Variants in SUPT3H observed in about 807,000 individuals in gnomAD.
SUPT3H encodes transcription initiation protein SPT3 homolog.
SUPT3H carries 44 observed loss-of-function variants against 44.3 expected under a neutral mutation model. The ratio of observed to expected loss-of-function variants is 0.99; its 90% CI spans 0.78 to 1.28. The LOEUF is 1.28. SUPT3H is among the 50% of genes most tolerant of loss of function. The probability of loss-of-function intolerance (pLI) is 0.00; values close to 1 mark genes in which losing one functional copy is unlikely to be tolerated. For synonymous variants in SUPT3H, 124 were observed against 125.6 expected (o/e 0.99, Z 0.09); for missense variants, 380 against 387.1 (o/e 0.98, Z 0.15).
rs1300214408 is a variant in SUPT3H at position 44,928,902 on chromosome 6, AAAG to A, written c.912+3748_912+3750del. 1.9e-3 allele frequency among the ~76,000 whole-genome samples: 163 copies of A among 83,672 alleles called. 27 individuals carry two copies. Among genetic ancestry groups the A allele is most frequent in the African/African-American group, 5.2e-3 (89 of 17,106 alleles). The allele number at this position is 83,672 out of a possible 152,430, so 54.9% of individuals were successfully genotyped here. On this transcript the variant is annotated intron_variant, in intron 10 of 10. Transcript: ENST00000371459. ...CGTCTCAAAAAAAAAAAAAAAAAAA[AAAG>A]AAAAGAAAAGAAACAAATCACCAAT...
At chr6:45,182,402 C>T (rs1252074313) in intron 2 of SUPT3H, among the ~76,000 whole-genome samples, 1 of 152,148 alleles carries the variant, frequency 6.6e-6, no homozygotes, top group Non-Finnish European at 1.5e-5. Flanking sequence ...GCTGGGATTA[C>T]AGGCACCTGC....
chr6:45,244,485 C>T (rs1481190290), intron 2 of SUPT3H, among the ~76,000 whole-genome samples: 1 of 152,120 alleles, frequency 6.6e-6, no homozygotes, highest in South Asian at 2.1e-4. Flanking sequence ...AAATCTTACA[C>T]AAAACAGTAC....
chr6:44,887,334 C>A (rs147962005), intron 10 of SUPT3H, among the ~76,000 whole-genome samples: 3,096 of 152,252 alleles, frequency 0.02, 41 homozygotes, highest in Non-Finnish European at 0.032. Flanking sequence ...AGCACCACAC[C>A]ACACCTACTC....
At chr6:44,938,445 A>G (rs140244723) in intron 9 of SUPT3H, among the ~76,000 whole-genome samples, 7 of 152,240 alleles carry the variant, frequency 4.6e-5, no homozygotes, top group East Asian at 1.9e-4. Flanking sequence ...GTCTATTTTT[A>G]TATCAGTACC....
At chr6:45,113,397 G>A (rs1313871732) in intron 2 of SUPT3H, among the ~76,000 whole-genome samples, 3 of 152,188 alleles carry the variant, frequency 2.0e-5, no homozygotes, top group African/African-American at 4.8e-5. Context: ...CAATTGGAAA[G>A]TTATAAACAC....
At chr6:45,366,164 T>C (rs1010669225) in intron 1 of SUPT3H, among the ~76,000 whole-genome samples, 1 of 152,202 alleles carries the variant, frequency 6.6e-6, no homozygotes, top group African/African-American at 2.4e-5. Context: ...AAGCTGTAAT[T>C]TTCCTCAAAA....
chr6:45,276,516 T>C (rs1777050316), intron 2 of SUPT3H, among the ~76,000 whole-genome samples: 1 of 152,172 alleles, frequency 6.6e-6, no homozygotes, highest in African/African-American at 2.4e-5. Flanking sequence ...TTTTTCCATG[T>C]GGTTTTGCAA....
intron 10 of SUPT3H, among the ~76,000 whole-genome samples, chr6:44,911,003 A>G (rs1435618343): frequency 3.3e-5 from 5 of 150,736 alleles, no homozygotes; most frequent in East Asian, 1.9e-4. Flanking sequence ...TCAAAAAAAA[A>G]AAAAAAAAAA....
chr6:44,973,565 G>A (rs900349730), intron 6 of SUPT3H, among the ~76,000 whole-genome samples: 3 of 152,014 alleles, frequency 2.0e-5, no homozygotes, highest in Non-Finnish European at 2.9e-5. Context: ...AAACTGTTCC[G>A]ACCTTGGCCT....
chr6:45,012,527 C>T (rs1783642028), intron 5 of SUPT3H, among the ~76,000 whole-genome samples: 1 of 151,978 alleles, frequency 6.6e-6, no homozygotes, highest in South Asian at 2.1e-4. Context: ...TCTATTGATA[C>T]TCTTTACTTT....
chr6:45,354,630 TACACACACACACACAC>T (rs35189031), intron 2 of SUPT3H, among the ~76,000 whole-genome samples: 1 of 149,812 alleles, frequency 6.7e-6, no homozygotes, highest in African/African-American at 2.5e-5. Context: ...CACGCACACA[TACACACACACACACAC>T]ACACACAGTC....
chr6:45,175,540 A>C (rs937442299), intron 2 of SUPT3H, among the ~76,000 whole-genome samples: 4 of 152,188 alleles, frequency 2.6e-5, no homozygotes, highest in South Asian at 2.1e-4. Context: ...GGGTGTGGAC[A>C]CAAAGCCTAG....
intron 2 of SUPT3H, among the ~76,000 whole-genome samples, chr6:45,194,453 T>A (rs1815676400): frequency 6.6e-6 from 1 of 152,174 alleles, no homozygotes; most frequent in Non-Finnish European, 1.5e-5. Flanking sequence ...ATCATAAGTT[T>A]AAAGAATACT....
chr6:44,826,702 A>C (rs1355584527), downstream of SUPT3H, among the ~76,000 whole-genome samples: 1 of 152,210 alleles, frequency 6.6e-6, no homozygotes, highest in African/African-American at 2.4e-5. Flanking sequence ...AAACTTTATA[A>C]TTAATTCTAA....
intron 2 of SUPT3H, among the ~76,000 whole-genome samples, chr6:45,359,151 T>C (rs1793797983): frequency 6.6e-6 from 1 of 152,148 alleles, no homozygotes; most frequent in African/African-American, 2.4e-5. Context: ...TTGATAGTAA[T>C]ATTTAAATAA....
chr6:45,309,192 G>T (rs1472105590), intron 2 of SUPT3H, among the ~76,000 whole-genome samples: 1 of 148,384 alleles, frequency 6.7e-6, no homozygotes, highest in Middle Eastern at 3.3e-3. Context: ...CAATCTCCCA[G>T]TGCCTGACCA....
At chr6:45,280,316 A>C (rs1335049654) in intron 2 of SUPT3H, among the ~76,000 whole-genome samples, 2 of 152,124 alleles carry the variant, frequency 1.3e-5, no homozygotes, top group Non-Finnish European at 2.9e-5. Context: ...AGCCTGGCCA[A>C]CATGGTGAAA....
At chr6:44,852,761 G>A (rs925197234) in intron 10 of SUPT3H, among the ~76,000 whole-genome samples, 1 of 152,064 alleles carries the variant, frequency 6.6e-6, no homozygotes, top group Non-Finnish European at 1.5e-5. Context: ...GCATACAAAA[G>A]GTCTTGCTCT....
Position 44,954,598 on chromosome 6 carries a change from G to A in SUPT3H, c.590C>T (p.Ala197Val). Residue 197 changes from alanine (A) to valine (V), a missense_variant, in exon 8 of 11, where the codon GCT becomes GTT. Coordinates refer to ENST00000371459, the MANE Select transcript of SUPT3H (RefSeq NM_003599.4). ...GTCCAACCAGTCTCGAAATTTGGAA[G>A]CTTTTTTGGCTGGCCATTTAAAAAA... ...ESRQLSFSKK[A>V]SKFRDWLDCS... 6.2e-7 allele frequency: 1 copy of A among 1,610,582 alleles called. No homozygotes were observed. The highest frequency in any genetic ancestry group is 8.5e-7 in the Non-Finnish European group (1 of 1,178,152).
Sources: allele counts gnomAD v4.1 joint callset (sites outside exome capture counted in the v4.1 genomes callset), GRCh38; gene constraint gnomAD v4.1.1; transcripts MANE v1.5; gene names NCBI Gene and HGNC (gene_info 2026-07-23, HGNC 2026-07-21).